CUEDC1: variants seen among roughly 807,000 people sequenced by gnomAD.
The protein encoded by CUEDC1 is CUE domain containing 1, also known as CUE domain-containing protein 1.
In CUEDC1, 30 loss-of-function variants were observed where a neutral mutation model predicts 43.7. That is an observed-to-expected ratio of 0.69 (90% CI 0.51 to 0.93). The LOEUF is 0.93. CUEDC1 is among the 40% of genes least tolerant of loss of function. CUEDC1 has a pLI of 0.00. For missense variants in CUEDC1, 486 were observed against 549.0 expected (o/e 0.89, Z 1.15); for synonymous variants, 223 against 223.6 (o/e 1.00, Z 0.02).
At chr17:57,928,598 T>A (rs1282169808) in intron 1 of CUEDC1, among the ~76,000 whole-genome samples, 1 of 150,342 alleles carries the variant, frequency 6.7e-6, no homozygotes, top group African/African-American at 2.5e-5. Context: ...AACCCTCCGA[T>A]GCCTTGTGAA....
chr17:57,872,985 T>G, intron 4 of CUEDC1, 130 bp from the exon 5 acceptor site: 1 of 849,520 alleles, frequency 1.2e-6, no homozygotes. Flanking sequence ...TCACACCTCC[T>G]AATGGAACCT....
intron 1 of CUEDC1, among the ~76,000 whole-genome samples, chr17:57,922,056 T>C (rs1362371625): frequency 3.3e-5 from 5 of 152,098 alleles, no homozygotes; most frequent in Non-Finnish European, 7.4e-5. Flanking sequence ...GAGGTTGCAG[T>C]GAGCCAAGAT....
Position 57,954,076 on chromosome 17 carries a change from C to T in CUEDC1, c.-316+1149G>A, listed in dbSNP as rs2075032342. On this transcript the variant is annotated intron_variant, in intron 1 of 10. Coordinates refer to ENST00000577830, the MANE Select transcript of CUEDC1 (RefSeq NM_001271875.2). The surrounding 1 kb of genome is among the most constrained non-coding windows in gnomAD (Gnocchi z 4.3). Reference sequence around the variant, plus strand: ...AGATGACTTCCTCCGTGAGAGAATTCCTGGGGTCCCTCACCTCCTTCAGGC... The same window carrying T: ...AGATGACTTCCTCCGTGAGAGAATTTCTGGGGTCCCTCACCTCCTTCAGGC... 6.6e-6 allele frequency among the ~76,000 whole-genome samples: 1 copy of T among 152,220 alleles called. No homozygotes were observed. The highest frequency in any genetic ancestry group is 2.1e-4 in the South Asian group (1 of 4,832).
At position 57,954,366 on chromosome 17, in the gene CUEDC1, C is replaced by G. The variant is rs540061483; in HGVS notation, c.-316+859G>C. ...TCCACCAAAAAAAGGAAAATCTAAA[C>G]CCTCCCTCCCCTTAAAACACATTCC... On this transcript the variant is annotated intron_variant, in intron 1 of 10. Transcript: ENST00000577830. This position sits in a 1 kb window ranked among gnomAD's most constrained non-coding sequence, Gnocchi z 4.3. 2.6e-5 allele frequency among the ~76,000 whole-genome samples: 4 copies of G among 152,316 alleles called. No individual in the cohort carries two copies. The South Asian group carries it at 8.3e-4, about 32-fold the overall frequency.
intron 1 of CUEDC1, among the ~76,000 whole-genome samples, chr17:57,897,999 C>G (rs117116839): frequency 6.6e-6 from 1 of 152,114 alleles, no homozygotes; most frequent in African/African-American, 2.4e-5. Flanking sequence ...GGCGACAGTG[C>G]GAGACTAGGT....
At chr17:57,895,269 A>C (rs1249334064) in intron 1 of CUEDC1, among the ~76,000 whole-genome samples, 1 of 152,234 alleles carries the variant, frequency 6.6e-6, no homozygotes, top group Non-Finnish European at 1.5e-5. Flanking sequence ...GTCCGATTCC[A>C]GATTTAACAC....
intron 1 of CUEDC1, among the ~76,000 whole-genome samples, chr17:57,893,237 C>A (rs1056155778): frequency 4.6e-5 from 7 of 152,062 alleles, no homozygotes; most frequent in African/African-American, 7.2e-5. Context: ...CACCTCAGAG[C>A]GGGTGGGGTG....
chr17:57,917,912 G>A (rs1373522406), intron 1 of CUEDC1, among the ~76,000 whole-genome samples: 6 of 152,206 alleles, frequency 3.9e-5, no homozygotes, highest in African/African-American at 1.4e-4. Flanking sequence ...ATGCCAGCTG[G>A]CTTTTTTGGT....
chr17:57,937,869 T>C (rs530742818), intron 1 of CUEDC1, among the ~76,000 whole-genome samples: 39 of 152,234 alleles, frequency 2.6e-4, no homozygotes, highest in African/African-American at 8.9e-4. Context: ...ATGGTGCTAC[T>C]GCACTCCAGC....
intron 1 of CUEDC1, among the ~76,000 whole-genome samples, chr17:57,952,228 TTA>T (rs1177751419): frequency 1.3e-5 from 2 of 151,562 alleles, no homozygotes; most frequent in Admixed American, 1.3e-4. Context: ...ATTTATTTAT[TTA>T]TGTTTTTTTT....
chr17:57,942,368 G>T (rs976258671), intron 1 of CUEDC1, among the ~76,000 whole-genome samples: 1 of 151,900 alleles, frequency 6.6e-6, no homozygotes, highest in African/African-American at 2.4e-5. Context: ...GAATTGTCTA[G>T]TTTTTTTTCG....
intron 1 of CUEDC1, among the ~76,000 whole-genome samples, chr17:57,908,348 C>T (rs560329330): frequency 2.0e-4 from 30 of 152,310 alleles, no homozygotes; most frequent in African/African-American, 3.8e-4. Context: ...TGAGCCACCG[C>T]GCCTGGTCAT....
chr17:57,938,034 A>T (rs947192280), intron 1 of CUEDC1, among the ~76,000 whole-genome samples: 1 of 152,242 alleles, frequency 6.6e-6, no homozygotes, highest in African/African-American at 2.4e-5. Context: ...CAGAGAGTGA[A>T]GAACAAGACT....
rs757363556 is a variant in CUEDC1, at chr17:57,885,458, CTGT to C, written c.104_106del (p.Asn35del). On this transcript the variant is annotated inframe_deletion, in exon 2 of 11. Coordinates refer to ENST00000577830, the MANE Select transcript of CUEDC1 (RefSeq NM_001271875.2). ...GCGGCGCACCTGGCGGGCAGGCCGG[CTGT>C]TGTTGAGCTCCTGGGGGGCGGCCGT... is the stretch of plus-strand genomic sequence containing the variant. 4 of 1,594,682 alleles carry C rather than the reference CTGT, an allele frequency of 2.5e-6. No individual in the cohort carries two copies. Among genetic ancestry groups the C allele is most frequent in the East Asian group, 2.3e-5 (1 of 43,726 alleles).
chr17:57,903,588 A>G (rs1401046876), intron 1 of CUEDC1, among the ~76,000 whole-genome samples: 1 of 152,138 alleles, frequency 6.6e-6, no homozygotes, highest in Non-Finnish European at 1.5e-5. Context: ...GCCAACCCAC[A>G]GCCCCATACA....
chr17:57,868,457 T>G (rs2144915031), intron 7 of CUEDC1: 1 of 582,858 alleles, frequency 1.7e-6, no homozygotes. Flanking sequence ...TGGGTCAGCC[T>G]GCAGGGGCAG....
At chr17:57,882,186 G>GT (rs143478218) in intron 2 of CUEDC1, among the ~76,000 whole-genome samples, 72 of 151,554 alleles carry the variant, frequency 4.8e-4, no homozygotes, top group African/African-American at 1.3e-3. Flanking sequence ...CCCAGAAAGG[G>GT]TTTTTTTTTC....
chr17:57,936,961 CA>C (rs1415779882), intron 1 of CUEDC1, among the ~76,000 whole-genome samples: 1 of 152,050 alleles, frequency 6.6e-6, no homozygotes. Flanking sequence ...GCTGGAACTA[CA>C]GGCATACACC....
At position 57,885,347 on chromosome 17, in the gene CUEDC1, T is replaced by C; in HGVS notation, c.218A>G (p.Asn73Ser). 1.9e-6 allele frequency: 3 copies of C among 1,612,216 alleles called. No homozygotes were observed. The highest frequency in any genetic ancestry group is 2.2e-5 in the East Asian group (1 of 44,858). The change falls in exon 2 of 11, where the codon AAC becomes AGC. Residue 73 changes from asparagine to serine, a missense_variant. Coordinates refer to ENST00000577830, the MANE Select transcript of CUEDC1 (RefSeq NM_001271875.2). Reference sequence around the variant, plus strand: ...GATGGTGGCGTCCACAGCGCCGCTGTTGGCGCGCAGCACGCATTCGATGAT... The same window carrying C: ...GATGGTGGCGTCCACAGCGCCGCTGCTGGCGCGCAGCACGCATTCGATGAT... ...YDIIECVLRA[N>S]SGAVDATIDQ...
Sources: gnomAD v4.1 joint callset for allele counts (sites outside exome capture counted in the v4.1 genomes callset) on GRCh38, gnomAD v4.1.1 for gene constraint, Gnocchi (gnomAD v3.1) non-coding constraint, MANE v1.5 for transcripts, NCBI Gene and HGNC (gene_info 2026-07-23, HGNC 2026-07-21) for gene names.